Variants in PGBD2 observed in about 807,000 individuals in gnomAD.
PGBD2 encodes the protein piggyBac transposable element derived 2, also known as piggyBac transposable element-derived protein 2.
In PGBD2, 6 loss-of-function variants were observed where a neutral mutation model predicts 8.1. The ratio of observed to expected loss-of-function variants is 0.74; its 90% CI spans 0.40 to 1.46. The LOEUF (loss-of-function observed/expected upper bound fraction) is 1.46. Among genes scored for constraint, PGBD2 ranks in the 40% most tolerant of loss-of-function variants. The pLI is 0.02. For synonymous variants in PGBD2, 318 were observed against 272.2 expected (o/e 1.17, Z -1.66); for missense variants, 802 against 739.0 (o/e 1.09, Z -0.99).
the PGBD2 span, among the ~76,000 whole-genome samples, chr1:248,899,872 T>C: frequency 6.7e-6 from 1 of 149,560 alleles, no homozygotes; most frequent in Non-Finnish European, 1.5e-5. Flanking sequence ...ATCAAATAGA[T>C]ATAATTAGAA....
At chr1:248,881,998 G>A in the PGBD2 span, among the ~76,000 whole-genome samples, 1 of 152,192 alleles carries the variant, frequency 6.6e-6, no homozygotes, top group African/African-American at 2.4e-5. Flanking sequence ...TATAGAAGCA[G>A]AGGCAAGAAA....
chr1:248,874,947 T>TAGAA, the PGBD2 span, among the ~76,000 whole-genome samples: 1 of 148,254 alleles, frequency 6.7e-6, no homozygotes, highest in Non-Finnish European at 1.5e-5. Context: ...GATAGATAGA[T>TAGAA]AGATAGATAG....
At chr1:248,882,754 G>A in the PGBD2 span, among the ~76,000 whole-genome samples, 5 of 152,148 alleles carry the variant, frequency 3.3e-5, no homozygotes, top group Admixed American at 6.5e-5. Context: ...CTGACCGCAC[G>A]TCCATTCATA....
the PGBD2 span, among the ~76,000 whole-genome samples, chr1:248,890,361 A>G: frequency 6.6e-6 from 1 of 152,038 alleles, no homozygotes; most frequent in Non-Finnish European, 1.5e-5. Context: ...TCTTTCTTTA[A>G]TTCTTACAGG....
intron 1 of PGBD2, among the ~76,000 whole-genome samples, chr1:248,909,573 G>A (rs1661788570): frequency 6.6e-6 from 1 of 152,180 alleles, no homozygotes; most frequent in Non-Finnish European, 1.5e-5. Flanking sequence ...TTTATTGAGG[G>A]CCTGCTGCAT....
chr1:248,889,175 A>G, the PGBD2 span, among the ~76,000 whole-genome samples: 6 of 152,218 alleles, frequency 3.9e-5, no homozygotes, highest in Non-Finnish European at 8.8e-5. Context: ...TCATGAGGTC[A>G]GGAGTTCGAG....
In PGBD2 at chr1:248,917,828, A is replaced by G; in HGVS notation, c.1244A>G (p.Asp415Gly). ...GAGATCATCGTGTGCCGCTGGCACGATAGCAGCGTGGTCAACATTTGCTCC... is the reference window on the plus strand; with the variant it reads ...GAGATCATCGTGTGCCGCTGGCACGGTAGCAGCGTGGTCAACATTTGCTCC... Reference protein sequence around the residue: ...SEEIIVCRWHDSSVVNICSNA... With the variant: ...SEEIIVCRWHGSSVVNICSNA... Residue 415 changes from aspartate to glycine, a missense_variant, in exon 3 of 3, where the codon GAT (aspartate) becomes GGT (glycine). Asp to Gly is a moderately conservative substitution (Grantham distance 94). Coordinates refer to ENST00000329291, the MANE Select transcript of PGBD2 (RefSeq NM_170725.3). 6.2e-7 allele frequency: 1 copy of G among 1,614,224 alleles called. No individual in the cohort carries two copies. Among genetic ancestry groups the G allele is most frequent in the Non-Finnish European group, 8.5e-7 (1 of 1,180,050 alleles).
At chr1:248,887,903 C>T in the PGBD2 span, among the ~76,000 whole-genome samples, 3 of 152,154 alleles carry the variant, frequency 2.0e-5, no homozygotes, top group South Asian at 2.1e-4. Context: ...AGCCCTTGCT[C>T]CTCTCCCTCT....
At position 248,918,047 on chromosome 1, in the gene PGBD2, G is replaced by A; in HGVS notation, c.1463G>A (p.Gly488Asp). Residue 488 changes from glycine (G) to aspartate (D), a missense_variant, in exon 3 of 3, where the codon GGC (glycine) becomes GAC (aspartate). Coordinates refer to ENST00000329291, the MANE Select transcript of PGBD2 (RefSeq NM_170725.3). ...ATGAAGTGGTACTCAAGCTTTATTG[G>A]CTATGTCATTGATGCTGCCCTCAAC... ...RGMKWYSSFI[G>D]YVIDAALNNA... 1.9e-6 allele frequency: 3 copies of A among 1,614,186 alleles called. No individual in the cohort carries two copies. The highest frequency in any genetic ancestry group is 2.5e-6 in the Non-Finnish European group (3 of 1,180,034).
chr1:248,927,993 C>G, the PGBD2 span, among the ~76,000 whole-genome samples: 3 of 152,148 alleles, frequency 2.0e-5, no homozygotes, highest in Admixed American at 6.5e-5. Context: ...CCAACTGCCT[C>G]TTGTAGCCCC....
intron 1 of PGBD2, among the ~76,000 whole-genome samples, chr1:248,907,148 A>C (rs1211005945): frequency 6.6e-6 from 1 of 152,166 alleles, no homozygotes; most frequent in Non-Finnish European, 1.5e-5. Context: ...GAGCAGGGTG[A>C]TAAGGAGGTC....
chr1:248,923,484 C>G (rs1662327078), downstream of PGBD2, among the ~76,000 whole-genome samples: 1 of 152,154 alleles, frequency 6.6e-6, no homozygotes, highest in African/African-American at 2.4e-5. Flanking sequence ...TTGCCACCAG[C>G]CCAGCTCGCA....
At position 248,918,302 on chromosome 1, in the gene PGBD2, G is replaced by T; in HGVS notation, c.1718G>T (p.Arg573Leu). 1 of 1,593,918 alleles carries T rather than the reference G, an allele frequency of 6.3e-7. No individual in the cohort carries two copies. Among genetic ancestry groups the T allele is most frequent in the Non-Finnish European group, 8.5e-7 (1 of 1,169,760 alleles). Residue 573 changes from arginine (R) to leucine (L), a missense_variant, in exon 3 of 3, where the codon CGG becomes CTG. Coordinates refer to ENST00000329291, the MANE Select transcript of PGBD2 (RefSeq NM_170725.3). ...CTCTGCCACTCACAGACCAACACCC[G>T]GTGTGAGAAGTGCCAGAAGGGTGTC... ...CALCHSQTNT[R>L]CEKCQKGVHA...
At chr1:248,879,325 G>C in the PGBD2 span, among the ~76,000 whole-genome samples, 1 of 152,158 alleles carries the variant, frequency 6.6e-6, no homozygotes, top group Non-Finnish European at 1.5e-5. Flanking sequence ...GGTACATTTT[G>C]TGTGTCAATT....
chr1:248,907,933 G>A (rs1661719953), intron 1 of PGBD2, among the ~76,000 whole-genome samples: 1 of 151,940 alleles, frequency 6.6e-6, no homozygotes, highest in African/African-American at 2.4e-5. Flanking sequence ...TCAGCTTTGG[G>A]GCATTTACAT....
the PGBD2 span, among the ~76,000 whole-genome samples, chr1:248,888,856 A>AT: frequency 6.6e-6 from 1 of 152,052 alleles, no homozygotes; most frequent in African/African-American, 2.4e-5. Context: ...TTCTTCTAGG[A>AT]TTTTTTATAG....
chr1:248,889,257 T>C, the PGBD2 span, among the ~76,000 whole-genome samples: 43 of 152,168 alleles, frequency 2.8e-4, no homozygotes, highest in Middle Eastern at 6.8e-3. Context: ...TGGTGGTGCG[T>C]GCCTGTAATC....
intron 1 of PGBD2, among the ~76,000 whole-genome samples, chr1:248,907,692 A>G (rs1661707717): frequency 6.6e-6 from 1 of 152,234 alleles, no homozygotes; most frequent in African/African-American, 2.4e-5. Flanking sequence ...TTAACAAGAC[A>G]TGTCCTGCAC....
upstream of PGBD2, among the ~76,000 whole-genome samples, chr1:248,901,823 A>G (rs1282285586): frequency 1.3e-5 from 2 of 152,212 alleles, no homozygotes; most frequent in Non-Finnish European, 2.9e-5. Context: ...GAGTGAACAG[A>G]CAACCTCCAG....
Sources: allele counts gnomAD v4.1 joint callset (sites outside exome capture counted in the v4.1 genomes callset), GRCh38; gene constraint gnomAD v4.1.1; transcripts MANE v1.5; gene names NCBI Gene and HGNC (gene_info 2026-07-23, HGNC 2026-07-21).